The following OSBPL5 variants were observed in gnomAD, a reference collection of about 807,000 sequenced individuals.
The protein encoded by OSBPL5 is oxysterol-binding protein-related protein 5.
A neutral mutation model predicts 111.2 loss-of-function variants in OSBPL5; 71 were observed. The observed-to-expected ratio is 0.64, with a 90% CI of 0.53 to 0.78. The LOEUF (loss-of-function observed/expected upper bound fraction) is 0.78. Ranked by LOEUF, OSBPL5 falls within the 30% of genes least tolerant of loss-of-function variation. The pLI, the probability that OSBPL5 is intolerant of heterozygous loss-of-function variation, is 0.00. For synonymous variants in OSBPL5, 549 were observed against 513.9 expected (o/e 1.07, Z -0.93); for missense variants, 1,210 against 1,189.3 (o/e 1.02, Z -0.26).
In OSBPL5 at chr11:3,120,634, G is replaced by A. The variant is rs1295187895; in HGVS notation, c.403-10C>T. On this transcript the variant is annotated splice_polypyrimidine_tract_variant and intron_variant, in intron 5 of 21. Coordinates refer to ENST00000263650, the MANE Select transcript of OSBPL5 (RefSeq NM_020896.4). ...TCAGGGTGCCGCGGATCTGCAGGGA[G>A]GATGCTGGCGTCGATGCCCACCCTC... 4 of 1,610,694 alleles carry A rather than the reference G, an allele frequency of 2.5e-6. No individual in the cohort carries two copies. The highest frequency in any genetic ancestry group is 1.1e-5 in the South Asian group (1 of 91,052).
At chr11:3,108,046 G>A in intron 7 of OSBPL5, 101 bp from the exon 8 acceptor site, 1 of 1,457,324 alleles carries the variant, frequency 6.9e-7, no homozygotes, top group Non-Finnish European at 9.2e-7. Flanking sequence ...GACTCTTCAG[G>A]GACCCACCCC....
In OSBPL5 at chr11:3,141,512, G is replaced by A. The variant is rs544075786; in HGVS notation, c.-21-12343C>T. 5.3e-5 allele frequency among the ~76,000 whole-genome samples: 8 copies of A among 152,310 alleles called. No homozygotes were observed. Among genetic ancestry groups the A allele is most frequent in the South Asian group, 2.1e-4 (1 of 4,830 alleles). Reference sequence around the variant, plus strand: ...CAGAAGGACCCCCAATCTGTCTTCCGCTGTGGTGGAGAGCTTGCCAAAGTG... The same window carrying A: ...CAGAAGGACCCCCAATCTGTCTTCCACTGTGGTGGAGAGCTTGCCAAAGTG... On this transcript the variant is annotated intron_variant, in intron 1 of 21. Transcript: ENST00000263650. This position sits in a 1 kb window ranked among gnomAD's most constrained non-coding sequence, Gnocchi z 6.5.
chr11:3,092,934 T>C lies in OSBPL5; in HGVS notation c.2065A>G (p.Met689Val), dbSNP rs1302624840. 1.9e-6 allele frequency: 3 copies of C among 1,576,532 alleles called. No homozygotes were observed. Among genetic ancestry groups the C allele is most frequent in the African/African-American group, 2.7e-5 (2 of 74,504 alleles). ...TGGAACAGCTGCGGCTTCCAGGGCA[T>C]GAGGCTCTCCTGCCGCTCACGGGCC... ...QRARERQESL[M>V]PWKPQLFHLD... Residue 689 changes from methionine to valine, a missense_variant, in exon 18 of 22, where the codon ATG becomes GTG. Coordinates refer to ENST00000263650, the MANE Select transcript of OSBPL5 (RefSeq NM_020896.4). This position sits in a 1 kb window ranked among gnomAD's most constrained non-coding sequence, Gnocchi z 5.4.
intron 10 of OSBPL5, among the ~76,000 whole-genome samples, chr11:3,103,817 TGCG>T (rs1857578454): frequency 1.1e-4 from 3 of 26,130 alleles, no homozygotes; most frequent in South Asian, 1.1e-3. Context: ...TCTTCCTGCC[TGCG>T]CAGCCCCCTT....
chr11:3,156,073 G>T (rs1846750025), intron 1 of OSBPL5, among the ~76,000 whole-genome samples: 1 of 152,228 alleles, frequency 6.6e-6, no homozygotes, highest in Non-Finnish European at 1.5e-5. Flanking sequence ...AGTAAGGGTG[G>T]GGGTAGGGAT....
At chr11:3,138,620 C>G (rs867471731) in intron 1 of OSBPL5, among the ~76,000 whole-genome samples, 4 of 152,222 alleles carry the variant, frequency 2.6e-5, no homozygotes, top group Non-Finnish European at 4.4e-5. Flanking sequence ...GCTCGCCTGC[C>G]GTGCTGTGGG....
Position 3,129,080 on chromosome 11 carries a change from G to A in OSBPL5, c.69C>T (p.Val23=), listed in dbSNP as rs368061723. The A allele has an allele frequency of 1.8e-5, 29 of 1,568,144 alleles. No individual in the cohort carries two copies. Among genetic ancestry groups the A allele is most frequent in the African/African-American group, 1.8e-4 (13 of 72,536 alleles). The change falls in exon 2 of 22, where the codon GTC becomes GTT. Residue 23 remains valine, a synonymous_variant. Coordinates refer to ENST00000263650, the MANE Select transcript of OSBPL5 (RefSeq NM_020896.4). The part of the protein sequence containing the change: ...LCPPSSTPQK[V]DPRKLTRNLL... ...AGTTCCGGGTGAGCTTCCGGGGGTC[G>A]ACTTTCTGAGGGGTGGAGGAAGGTG...
chr11:3,112,063 A>ATGTGTG (rs1327690572), intron 7 of OSBPL5, among the ~76,000 whole-genome samples: 2 of 27,722 alleles, frequency 7.2e-5, no homozygotes, highest in African/African-American at 2.3e-4. Context: ...GTGCATGTGT[A>ATGTGTG]TGTGTGTGTG....
In OSBPL5 at chr11:3,104,520, G is replaced by C; in HGVS notation, c.1060-143C>G. ...CCTGACCTGGCCTCCATGGCCTCAT[G>C]AGGCTGACTCAGCCCCATCAGATGT... On this transcript the variant is annotated intron_variant, in intron 9 of 21. Transcript: ENST00000263650. This position sits in a 1 kb window ranked among gnomAD's most constrained non-coding sequence, Gnocchi z 5.0. The C allele has an allele frequency of 1.2e-6, 1 of 828,872 alleles. No individual in the cohort carries two copies. Among genetic ancestry groups the C allele is most frequent in the Non-Finnish European group, 1.8e-6 (1 of 548,676 alleles). 51.3% of individuals were successfully genotyped at this position (828,872 alleles called of 1,614,324 possible).
intron 7 of OSBPL5, among the ~76,000 whole-genome samples, chr11:3,111,992 T>TGTGCGC (rs1564837103): frequency 4.1e-5 from 5 of 120,948 alleles, no homozygotes; most frequent in African/African-American, 1.4e-4. Context: ...CGCATGTGTG[T>TGTGCGC]GCATGTGTGT....
chr11:3,163,462 A>T (rs1384291682), intron 1 of OSBPL5, among the ~76,000 whole-genome samples: 2 of 125,292 alleles, frequency 1.6e-5, no homozygotes, highest in Non-Finnish European at 3.2e-5. Flanking sequence ...TGAGGCCAGG[A>T]TCTCAGGAGA....
At chr11:3,118,142 A>C (rs751255375) in intron 7 of OSBPL5, among the ~76,000 whole-genome samples, 2 of 152,216 alleles carry the variant, frequency 1.3e-5, no homozygotes, top group Non-Finnish European at 2.9e-5. Flanking sequence ...GCTTTCTCCA[A>C]AAGATTTTTA....
Position 3,107,737 on chromosome 11 carries a change from TCACCACCAG to T in OSBPL5, c.866+25_866+33del. ...CTCGCCTACAAGGAGACCCCGTGAA[TCACCACCAG>T]CCCCTGTGCCCTCGCCCCACTCACG... On this transcript the variant is annotated intron_variant, in intron 8 of 21. Transcript: ENST00000263650. The surrounding 1 kb of genome is among the most constrained non-coding windows in gnomAD (Gnocchi z 6.1). 6.2e-7 allele frequency: 1 copy of T among 1,603,794 alleles called. No homozygotes were observed. Among genetic ancestry groups the T allele is most frequent in the Non-Finnish European group, 8.5e-7 (1 of 1,177,188 alleles).
chr11:3,111,105 A>C (rs956632506), intron 7 of OSBPL5, among the ~76,000 whole-genome samples: 1 of 152,092 alleles, frequency 6.6e-6, no homozygotes, highest in Non-Finnish European at 1.5e-5. Flanking sequence ...GCTCAAACCA[A>C]TAAGACAATT....
chr11:3,143,006 A>C (rs78332275), intron 1 of OSBPL5, among the ~76,000 whole-genome samples: 3 of 71,224 alleles, frequency 4.2e-5, no homozygotes, highest in South Asian at 8.0e-4. Flanking sequence ...AGGCAGGTGC[A>C]GAGGGGGGCA....
rs778179994 is a variant in OSBPL5, at chr11:3,121,461, G to A, written c.402+536C>T. Reference sequence around the variant, plus strand: ...CATCATTTTGGTATGCGGGTAGAAGGAGCCTACATGGGCCTGGGCTCTGCA... The same window carrying A: ...CATCATTTTGGTATGCGGGTAGAAGAAGCCTACATGGGCCTGGGCTCTGCA... On this transcript the variant is annotated intron_variant, in intron 5 of 21. Transcript: ENST00000263650. This position sits in a 1 kb window ranked among gnomAD's most constrained non-coding sequence, Gnocchi z 4.3. Among the ~76,000 whole-genome samples the A allele has an allele frequency of 2.6e-5, 4 of 151,980 alleles. No individual in the cohort carries two copies. Among genetic ancestry groups the A allele is most frequent in the Non-Finnish European group, 4.4e-5 (3 of 68,004 alleles).
chr11:3,160,199 C>T (rs1415976822), intron 1 of OSBPL5, among the ~76,000 whole-genome samples: 2 of 152,182 alleles, frequency 1.3e-5, no homozygotes, highest in African/African-American at 4.8e-5. Context: ...ATCTAGCGTT[C>T]CTGCCCCACG....
In OSBPL5 at chr11:3,161,960, G is replaced by A. The variant is rs1423192264; in HGVS notation, c.-22+3256C>T. Among the ~76,000 whole-genome samples the A allele has an allele frequency of 6.6e-6, 1 of 151,510 alleles. No individual in the cohort carries two copies. The highest frequency in any genetic ancestry group is 2.0e-4 in the East Asian group (1 of 5,110). On this transcript the variant is annotated intron_variant, in intron 1 of 21. Transcript: ENST00000263650. The surrounding 1 kb of genome is among the most constrained non-coding windows in gnomAD (Gnocchi z 8.0). ...CGGGGCTGACGCCAGACCCCTGTGA[G>A]CAAGGAGGGGAGAGGGAGGGGAGGG...
intron 1 of OSBPL5, among the ~76,000 whole-genome samples, chr11:3,147,690 C>T (rs371487594): frequency 2.4e-4 from 37 of 152,168 alleles, no homozygotes; most frequent in African/African-American, 6.7e-4. Flanking sequence ...GAGAGGCGGA[C>T]GGCTGGCAGA....
Sources: gnomAD v4.1 joint callset for allele counts (sites outside exome capture counted in the v4.1 genomes callset) on GRCh38, gnomAD v4.1.1 for gene constraint, Gnocchi (gnomAD v3.1) non-coding constraint, MANE v1.5 for transcripts, NCBI Gene and HGNC (gene_info 2026-07-23, HGNC 2026-07-21) for gene names.